Variants in CUL2 observed in about 807,000 individuals in gnomAD.
CUL2 encodes the protein cullin-2.
Under a neutral mutation model 110.2 loss-of-function variants are expected in CUL2, and 22 were observed. That is an observed-to-expected ratio of 0.20 (90% CI 0.14 to 0.28). The LOEUF (loss-of-function observed/expected upper bound fraction) is 0.28, where lower values mean the gene tolerates loss of function less well. CUL2 is among the 10% of genes least tolerant of loss of function. The pLI, the probability that CUL2 is intolerant of heterozygous loss-of-function variation, is 1.00. For missense variants in CUL2, 631 were observed against 905.5 expected (o/e 0.70, Z 3.89); for synonymous variants, 279 against 293.2 (o/e 0.95, Z 0.49).
intron 19 of CUL2, 48 bp downstream of exon 19, chr10:35,013,651 G>T: frequency 8.1e-7 from 1 of 1,227,520 alleles, no homozygotes. Flanking sequence ...AAAGTCCAAT[G>T]CTTAAATGTT....
chr10:35,024,209 T>A (rs1055303957), intron 17 of CUL2, among the ~76,000 whole-genome samples: 3 of 152,170 alleles, frequency 2.0e-5, no homozygotes, highest in Non-Finnish European at 2.9e-5. Context: ...AAAATTATTT[T>A]AAAAATTAGA....
rs757095324 is a variant in CUL2, at chr10:35,044,517, A to C, written c.714+49T>G. ...ACTAAGAACGATGTTAAATAAAACCAGGCCAGATACAAAATAGATAAATGT... is the reference window on the plus strand; with the variant it reads ...ACTAAGAACGATGTTAAATAAAACCCGGCCAGATACAAAATAGATAAATGT... On this transcript the variant is annotated intron_variant, in intron 8 of 20. Coordinates refer to ENST00000374749, the MANE Select transcript of CUL2 (RefSeq NM_003591.4). The C allele has an allele frequency of 1.7e-5, 20 of 1,176,764 alleles. 1 individual carries two copies. The South Asian group carries it at 2.9e-4, about 17-fold the overall frequency. The allele number at this position is 1,176,764 out of a possible 1,614,324, so 72.9% of individuals were successfully genotyped here.
At chr10:35,056,548 T>C (rs775401175) in intron 4 of CUL2, among the ~76,000 whole-genome samples, 4 of 151,716 alleles carry the variant, frequency 2.6e-5, no homozygotes, top group Non-Finnish European at 5.9e-5. Flanking sequence ...TCAGGAGAGG[T>C]CTTCCACTCC....
At position 35,028,636 on chromosome 10, in the gene CUL2, A is replaced by G. The variant is rs555835985; in HGVS notation, c.1617+174T>C. ...CATTCTTCTTAGCATTTTAGTATCA[A>G]TATTAGTAACTACAATAACTTACAT... On this transcript the variant is annotated intron_variant, in intron 16 of 20. Coordinates refer to ENST00000374749, the MANE Select transcript of CUL2 (RefSeq NM_003591.4). Among the ~76,000 whole-genome samples, 26 of 152,332 alleles carry G rather than the reference A, an allele frequency of 1.7e-4. No individual in the cohort carries two copies. In the South Asian group the frequency reaches 4.8e-3, roughly 28 times the overall value.
chr10:35,034,632 T>G (rs113505201), intron 10 of CUL2, among the ~76,000 whole-genome samples: 4,111 of 152,286 alleles, frequency 0.027, 182 homozygotes, highest in African/African-American at 0.09. Context: ...ACTGTTACAG[T>G]ACAAACTGTT....
At chr10:35,056,776 G>A (rs2086250523) in intron 4 of CUL2, among the ~76,000 whole-genome samples, 1 of 152,168 alleles carries the variant, frequency 6.6e-6, no homozygotes, top group Non-Finnish European at 1.5e-5. Context: ...TACGGAATCT[G>A]CTCCAAACCA....
intron 17 of CUL2, among the ~76,000 whole-genome samples, chr10:35,021,818 GGGTGAGGTGAGGCGA>G (rs2085199260): frequency 9.5e-6 from 1 of 105,412 alleles, no homozygotes; most frequent in Admixed American, 9.7e-5. Flanking sequence ...AGGCGAGGTG[GGGTGAGGTGAGGCGA>G]GGTGAGGTGA....
intron 5 of CUL2, 69 bp downstream of exon 5, chr10:35,054,365 T>C: frequency 2.5e-6 from 2 of 805,990 alleles, no homozygotes; most frequent in Non-Finnish European, 4.0e-6. Flanking sequence ...TAAAAAATGA[T>C]GTGCAATCAA....
chr10:35,059,938 TAA>T (rs749889449), intron 4 of CUL2, among the ~76,000 whole-genome samples: 1 of 152,206 alleles, frequency 6.6e-6, no homozygotes, highest in Non-Finnish European at 1.5e-5. Flanking sequence ...CAACATTTAC[TAA>T]AAGTTCACAA....
intron 6 of CUL2, among the ~76,000 whole-genome samples, chr10:35,046,600 C>T (rs749025471): frequency 6.6e-6 from 1 of 152,110 alleles, no homozygotes; most frequent in African/African-American, 2.4e-5. Context: ...ATCTTAAAAA[C>T]TGGGTTATTG....
chr10:35,018,501 C>G (rs1360183554), intron 17 of CUL2, among the ~76,000 whole-genome samples: 1 of 151,942 alleles, frequency 6.6e-6, no homozygotes, highest in African/African-American at 2.4e-5. Flanking sequence ...CAGTGGCTCA[C>G]GCCTGTAATC....
At chr10:35,040,357 C>T (rs758676209) in intron 8 of CUL2, among the ~76,000 whole-genome samples, 8 of 152,136 alleles carry the variant, frequency 5.3e-5, no homozygotes, top group Non-Finnish European at 8.8e-5. Flanking sequence ...GACAAAACAA[C>T]AACATATACA....
intron 5 of CUL2, among the ~76,000 whole-genome samples, chr10:35,053,710 GA>G (rs2086171614): frequency 6.6e-6 from 1 of 152,144 alleles, no homozygotes; most frequent in Non-Finnish European, 1.5e-5. Context: ...ATTTCTTTCG[GA>G]AAGGATTACA....
intron 17 of CUL2, among the ~76,000 whole-genome samples, chr10:35,023,980 G>A (rs2085271120): frequency 6.6e-6 from 1 of 152,086 alleles, no homozygotes; most frequent in Non-Finnish European, 1.5e-5. Flanking sequence ...GACTACAGGT[G>A]TGCTCCACCA....
chr10:35,038,498 C>G (rs2085688820), intron 9 of CUL2, among the ~76,000 whole-genome samples: 1 of 111,156 alleles, frequency 9.0e-6, no homozygotes, highest in African/African-American at 3.5e-5. Context: ...TGCACTCCAG[C>G]CTGGGCGACA....
chr10:35,109,898 G>C (rs993640417), intron 1 of CUL2, among the ~76,000 whole-genome samples: 2 of 152,322 alleles, frequency 1.3e-5, no homozygotes, highest in Non-Finnish European at 2.9e-5. Flanking sequence ...AGTGGGCCAG[G>C]CATGGTGGCT....
chr10:35,074,236 A>C (rs1233644254), intron 1 of CUL2: 1 of 1,534,638 alleles, frequency 6.5e-7, no homozygotes, highest in South Asian at 1.2e-5. Flanking sequence ...TAAAGTACAA[A>C]GTTTGTTGTT....
intron 1 of CUL2, among the ~76,000 whole-genome samples, chr10:35,125,907 G>C (rs2087779436): frequency 6.6e-6 from 1 of 152,140 alleles, no homozygotes; most frequent in South Asian, 2.1e-4. Flanking sequence ...TCAGCTCACT[G>C]CAGCCTTGAC....
chr10:35,119,765 T>G (rs947177470), intron 1 of CUL2, among the ~76,000 whole-genome samples: 2 of 152,026 alleles, frequency 1.3e-5, no homozygotes, highest in African/African-American at 4.8e-5. Context: ...AGATGGGATT[T>G]CACTATGTTG....
Sources: gnomAD v4.1 joint callset for allele counts (sites outside exome capture counted in the v4.1 genomes callset) on GRCh38, gnomAD v4.1.1 for gene constraint, MANE v1.5 for transcripts, NCBI Gene and HGNC (gene_info 2026-07-23, HGNC 2026-07-21) for gene names.